The following CCDC192 variants were observed in gnomAD, a reference collection of about 807,000 sequenced individuals.
The protein encoded by CCDC192 is coiled-coil domain containing 192.
intron 5 of CCDC192, among the ~76,000 whole-genome samples, chr5:127,870,501 T>C (rs2127125107): frequency 6.6e-6 from 1 of 152,308 alleles, no homozygotes; most frequent in Middle Eastern, 3.4e-3. Flanking sequence ...AAGACCTTGG[T>C]TCAAGTCCAT....
rs1318877658 is a variant in CCDC192, at chr5:127,752,372, G to A, written c.115-1896G>A. 6.6e-5 allele frequency among the ~76,000 whole-genome samples: 10 copies of A among 152,252 alleles called. No homozygotes were observed. In the East Asian group the frequency reaches 7.7e-4, roughly 12 times the overall value. ...TGCAGGTCTGTTGGAGTACCCTGCC[G>A]TGTGAGGTGTCAGTGTGCCCCTGCT... On this transcript the variant is annotated intron_variant, in intron 2 of 6. Transcript: ENST00000514853.
chr5:127,821,785 C>T (rs1271783151), intron 5 of CCDC192, among the ~76,000 whole-genome samples: 1 of 152,132 alleles, frequency 6.6e-6, no homozygotes, highest in African/African-American at 2.4e-5. Context: ...TCCATGGCAG[C>T]ATAACTATAA....
At chr5:127,758,030 AT>A (rs1406145308) in intron 3 of CCDC192, among the ~76,000 whole-genome samples, 1 of 151,968 alleles carries the variant, frequency 6.6e-6, no homozygotes, top group Non-Finnish European at 1.5e-5. Context: ...AAGAACCAAG[AT>A]TTGTGCTGGA....
intron 6 of CCDC192, among the ~76,000 whole-genome samples, chr5:127,891,074 C>T (rs913662979): frequency 6.6e-6 from 1 of 152,176 alleles, no homozygotes; most frequent in Non-Finnish European, 1.5e-5. Context: ...TGTTTTGAGA[C>T]AGAGTCTTGC....
In CCDC192 at chr5:127,920,359, G is replaced by C. The variant is rs988282098; in HGVS notation, c.536-20823G>C. Among the ~76,000 whole-genome samples the C allele has an allele frequency of 6.7e-5, 10 of 148,550 alleles. No individual in the cohort carries two copies. The East Asian group carries it at 1.0e-3, about 15-fold the overall frequency. On this transcript the variant is annotated intron_variant, in intron 6 of 6. Transcript: ENST00000514853. ...CATCAATGATGATGATCATCATTAT[G>C]ATCATCAATCATCATAATTTCTAGG...
intron 2 of CCDC192, among the ~76,000 whole-genome samples, chr5:127,719,470 CACATACAT>C (rs1226983762): frequency 3.9e-4 from 14 of 36,206 alleles, no homozygotes; most frequent in Non-Finnish European, 6.3e-4. Context: ...TATATACAGA[CACATACAT>C]ATATATATAT....
intron 2 of CCDC192, among the ~76,000 whole-genome samples, chr5:127,748,138 T>C (rs1753894588): frequency 9.6e-6 from 1 of 104,416 alleles, no homozygotes; most frequent in East Asian, 2.9e-4. Flanking sequence ...AATTTTGTCT[T>C]TTGTTGCCAT....
intron 6 of CCDC192, among the ~76,000 whole-genome samples, chr5:127,938,456 A>G (rs1754243696): frequency 1.3e-5 from 2 of 152,212 alleles, no homozygotes; most frequent in Non-Finnish European, 2.9e-5. Context: ...ATCTCCAGGT[A>G]ACACATCCAC....
chr5:127,737,382 G>T (rs1362382167), intron 2 of CCDC192, among the ~76,000 whole-genome samples: 3 of 152,028 alleles, frequency 2.0e-5, no homozygotes, highest in African/African-American at 7.3e-5. Flanking sequence ...GATGTGGTGT[G>T]GTGCTGAAAA....
At chr5:127,815,362 G>T (rs1474551693) in intron 5 of CCDC192, among the ~76,000 whole-genome samples, 3 of 152,162 alleles carry the variant, frequency 2.0e-5, no homozygotes, top group African/African-American at 7.2e-5. Flanking sequence ...TTTCATTTAG[G>T]AGCAAGTGAT....
At chr5:127,708,389 AT>A (rs1482678180) in intron 2 of CCDC192, among the ~76,000 whole-genome samples, 1 of 152,188 alleles carries the variant, frequency 6.6e-6, no homozygotes, top group Non-Finnish European at 1.5e-5. Flanking sequence ...ACAGAAGATC[AT>A]TATACCAATT....
At chr5:127,807,941 A>G (rs1757884278) in intron 5 of CCDC192, among the ~76,000 whole-genome samples, 1 of 152,130 alleles carries the variant, frequency 6.6e-6, no homozygotes, top group African/African-American at 2.4e-5. Context: ...AGGAGGGGGT[A>G]GTCTGATGTT....
At chr5:127,792,592 G>T (rs987070758) in intron 3 of CCDC192, among the ~76,000 whole-genome samples, 1 of 151,294 alleles carries the variant, frequency 6.6e-6, no homozygotes, top group Non-Finnish European at 1.5e-5. Flanking sequence ...TGTAGTCTCA[G>T]CTACCCAGGA....
chr5:127,784,953 C>T (rs1756453960), intron 3 of CCDC192: 1 of 473,958 alleles, frequency 2.1e-6, no homozygotes. Flanking sequence ...TATCTGTCTT[C>T]AATTCCACCT....
intron 3 of CCDC192, among the ~76,000 whole-genome samples, chr5:127,757,658 C>A (rs1041877865): frequency 2.0e-5 from 3 of 151,662 alleles, no homozygotes; most frequent in Non-Finnish European, 4.4e-5. Context: ...GAATAGAACA[C>A]CTGTCACAAA....
chr5:127,801,630 T>C (rs1757512338), intron 5 of CCDC192, among the ~76,000 whole-genome samples: 2 of 152,332 alleles, frequency 1.3e-5, no homozygotes, highest in South Asian at 4.1e-4. Flanking sequence ...CAAATAACTC[T>C]TTTCTGTCCT....
intron 4 of CCDC192, among the ~76,000 whole-genome samples, chr5:127,797,854 A>C (rs553938411): frequency 7.3e-5 from 11 of 149,786 alleles, no homozygotes; most frequent in South Asian, 2.1e-4. Context: ...TAGCACATCA[A>C]GCTAACATTA....
chr5:127,786,403 C>T, intron 3 of CCDC192: 1 of 622,452 alleles, frequency 1.6e-6, no homozygotes. Context: ...TTTGCAAATG[C>T]ATCATCTTCC....
At chr5:127,931,636 T>C (rs1754031829) in intron 6 of CCDC192, among the ~76,000 whole-genome samples, 1 of 152,122 alleles carries the variant, frequency 6.6e-6, no homozygotes, top group Non-Finnish European at 1.5e-5. Flanking sequence ...ACCTGGCTGA[T>C]CATCAGATTT....
Sources: allele counts gnomAD v4.1 joint callset (sites outside exome capture counted in the v4.1 genomes callset), GRCh38; gene constraint gnomAD v4.1.1; transcripts MANE v1.5; gene names NCBI Gene and HGNC (gene_info 2026-07-23, HGNC 2026-07-21).